The following FAM222B variants were observed in gnomAD, a reference collection of about 807,000 sequenced individuals.
The protein encoded by FAM222B is family with sequence similarity 222 member B.
Under a neutral mutation model 38.0 loss-of-function variants are expected in FAM222B, and 12 were observed. That is an observed-to-expected ratio of 0.32 (90% confidence interval 0.20 to 0.51). FAM222B has a LOEUF of 0.51. FAM222B is among the 20% of genes least tolerant of loss of function. The pLI is 0.97. For synonymous variants in FAM222B, 329 were observed against 317.2 expected (o/e 1.04, Z -0.40); for missense variants, 716 against 754.2 (o/e 0.95, Z 0.59).
At chr17:28,766,771 C>T in intron 1 of FAM222B, 64 bp from the exon 2 acceptor site, 1 of 927,266 alleles carries the variant, frequency 1.1e-6, no homozygotes, top group African/African-American at 1.6e-5. Flanking sequence ...AGAGTAGGAA[C>T]ACTGGATATG....
At chr17:28,795,092 C>CAAA (rs59433750) in intron 1 of FAM222B, among the ~76,000 whole-genome samples, 3 of 104,192 alleles carry the variant, frequency 2.9e-5, no homozygotes, top group Admixed American at 1.0e-4. Context: ...GACCCTGTTT[C>CAAA]AAAAAAAAAA....
Position 28,829,851 on chromosome 17 carries a change from T to A in FAM222B, c.-41+12831A>T, listed in dbSNP as rs942615054. Among the ~76,000 whole-genome samples the A allele has an allele frequency of 7.3e-5, 11 of 149,678 alleles. 1 individual carries two copies. The highest frequency in any genetic ancestry group is 3.9e-4 in the East Asian group (2 of 5,120). On this transcript the variant is annotated intron_variant, in intron 1 of 2. Coordinates refer to ENST00000581407, the MANE Select transcript of FAM222B (RefSeq NM_001077498.3). The stretch of plus-strand genomic sequence containing the variant: ...AAATACTTAGGTCATTTTTTTTAAA[T>A]TTTTTTTTTTGAGACCGAGTCTCAC...
intron 1 of FAM222B, among the ~76,000 whole-genome samples, chr17:28,816,695 T>C (rs915241567): frequency 1.3e-5 from 2 of 151,760 alleles, no homozygotes; most frequent in African/African-American, 4.8e-5. Context: ...AAAAAGACAA[T>C]TTCCTCATAA....
chr17:28,775,333 A>AT (rs1193518095), intron 1 of FAM222B, among the ~76,000 whole-genome samples: 5 of 151,672 alleles, frequency 3.3e-5, no homozygotes, highest in Non-Finnish European at 7.4e-5. Flanking sequence ...TGGCAAAGGC[A>AT]TTTTTCCGTG....
chr17:28,799,004 C>T (rs2037082394), intron 1 of FAM222B, among the ~76,000 whole-genome samples: 3 of 144,898 alleles, frequency 2.1e-5, no homozygotes, highest in South Asian at 4.6e-4. Context: ...GGGATGGAGT[C>T]TCACTCTGTT....
At chr17:28,776,099 A>T (rs1417655010) in intron 1 of FAM222B, among the ~76,000 whole-genome samples, 1 of 149,660 alleles carries the variant, frequency 6.7e-6, no homozygotes, top group Non-Finnish European at 1.5e-5. Flanking sequence ...GAAAAAAAAA[A>T]GCCAGGTGCA....
intron 1 of FAM222B, among the ~76,000 whole-genome samples, chr17:28,800,716 C>T (rs746661594): frequency 1.2e-4 from 19 of 152,122 alleles, no homozygotes; most frequent in Non-Finnish European, 2.5e-4. Flanking sequence ...TCTCCAATTG[C>T]ACCATACCTC....
At chr17:28,765,189 G>T in intron 2 of FAM222B, among the ~76,000 whole-genome samples, 1 of 152,216 alleles carries the variant, frequency 6.6e-6, no homozygotes, top group East Asian at 1.9e-4. Context: ...GCCAGGCTCT[G>T]AGTCTTACGC....
intron 1 of FAM222B, among the ~76,000 whole-genome samples, chr17:28,825,229 T>C (rs533436770): frequency 6.6e-6 from 1 of 152,010 alleles, no homozygotes; most frequent in African/African-American, 2.4e-5. Context: ...GCTTAGGAGT[T>C]TGAGAACAGA....
chr17:28,804,086 A>C (rs766774734), intron 1 of FAM222B, among the ~76,000 whole-genome samples: 1 of 152,188 alleles, frequency 6.6e-6, no homozygotes, highest in Non-Finnish European at 1.5e-5. Context: ...ATAGCACCTC[A>C]GTGTGATTAA....
intron 1 of FAM222B, among the ~76,000 whole-genome samples, chr17:28,841,347 C>A (rs1030055111): frequency 6.6e-6 from 1 of 152,156 alleles, no homozygotes; most frequent in Non-Finnish European, 1.5e-5. Flanking sequence ...CCTCACTGGG[C>A]AGCCCTCCCA....
chr17:28,831,352 A>G (rs1455517588), intron 1 of FAM222B, among the ~76,000 whole-genome samples: 1 of 151,372 alleles, frequency 6.6e-6, no homozygotes, highest in Non-Finnish European at 1.5e-5. Context: ...CCTTCTGCCA[A>G]TACCACACTG....
intron 1 of FAM222B, among the ~76,000 whole-genome samples, chr17:28,772,894 CA>C (rs1279774521): frequency 6.6e-6 from 1 of 151,600 alleles, no homozygotes; most frequent in East Asian, 1.9e-4. Context: ...GACTCTGTCT[CA>C]AAACAAAACA....
chr17:28,804,952 G>A (rs956654896), intron 1 of FAM222B, among the ~76,000 whole-genome samples: 21 of 151,830 alleles, frequency 1.4e-4, no homozygotes, highest in Non-Finnish European at 2.2e-4. Context: ...AGGCTGAGGC[G>A]GGGGAATGGC....
At chr17:28,786,748 C>G (rs1567831611) in intron 1 of FAM222B, among the ~76,000 whole-genome samples, 1 of 152,122 alleles carries the variant, frequency 6.6e-6, no homozygotes, top group Non-Finnish European at 1.5e-5. Context: ...CACTATGTAT[C>G]CATTTGGTCT....
At chr17:28,803,488 G>T (rs929894496) in intron 1 of FAM222B, among the ~76,000 whole-genome samples, 6 of 151,348 alleles carry the variant, frequency 4.0e-5, no homozygotes, top group Non-Finnish European at 7.4e-5. Flanking sequence ...TTATAGAGAG[G>T]GTCTCACCAT....
intron 1 of FAM222B, chr17:28,834,878 G>C (rs1242426062): frequency 4.7e-5 from 7 of 148,558 alleles, no homozygotes; most frequent in Admixed American, 2.7e-4. Context: ...TCCCTGAGAT[G>C]GAATCTCACC....
chr17:28,816,508 G>A (rs141806452), intron 1 of FAM222B, among the ~76,000 whole-genome samples: 3 of 151,492 alleles, frequency 2.0e-5, no homozygotes, highest in Admixed American at 6.6e-5. Flanking sequence ...ATTATTTCTT[G>A]AGCACCCTAT....
intron 1 of FAM222B, among the ~76,000 whole-genome samples, chr17:28,785,621 C>T (rs572581039): frequency 2.6e-5 from 4 of 151,968 alleles, no homozygotes; most frequent in Admixed American, 6.6e-5. Context: ...CTGCAACCTC[C>T]GCCTCCCAGG....
Sources: allele counts gnomAD v4.1 joint callset (sites outside exome capture counted in the v4.1 genomes callset), GRCh38; gene constraint gnomAD v4.1.1; transcripts MANE v1.5; gene names NCBI Gene and HGNC (gene_info 2026-07-23, HGNC 2026-07-21).